The following ROBO2 variants were observed in gnomAD, a reference collection of about 807,000 sequenced individuals.
ROBO2 encodes roundabout guidance receptor 2, also known as roundabout homolog 2.
ROBO2 carries 53 observed loss-of-function variants against 160.8 expected under a neutral mutation model. The observed-to-expected ratio is 0.33, with a 90% CI of 0.26 to 0.41. The LOEUF (loss-of-function observed/expected upper bound fraction) is 0.41. Ranked by LOEUF, ROBO2 falls within the 10% of genes least tolerant of loss-of-function variation. ROBO2 has a pLI of 1.00. For synonymous variants in ROBO2, 664 were observed against 611.7 expected (o/e 1.09, Z -1.26); for missense variants, 1,577 against 1,722.4 (o/e 0.92, Z 1.49).
intron 2 of ROBO2, among the ~76,000 whole-genome samples, chr3:76,221,158 G>T (rs985592525): frequency 2.0e-5 from 3 of 152,226 alleles, no homozygotes; most frequent in African/African-American, 7.2e-5. Context: ...TGTGGTGAAA[G>T]CATTCCTCCA....
At chr3:76,868,066 G>A (rs1213724176) in intron 2 of ROBO2, among the ~76,000 whole-genome samples, 2 of 152,126 alleles carry the variant, frequency 1.3e-5, no homozygotes, top group East Asian at 3.9e-4. Flanking sequence ...CATTTTAGGA[G>A]TATCCTATGC....
intron 2 of ROBO2, among the ~76,000 whole-genome samples, chr3:76,566,205 G>A (rs571895119): frequency 8.9e-4 from 135 of 152,324 alleles, no homozygotes; most frequent in African/African-American, 3.2e-3. Flanking sequence ...AATGAGGTCT[G>A]ACGTGCTACA....
At chr3:76,669,261 T>G (rs2110150429) in intron 2 of ROBO2, among the ~76,000 whole-genome samples, 1 of 152,068 alleles carries the variant, frequency 6.6e-6, no homozygotes, top group Admixed American at 6.6e-5. Context: ...TCAGGGAAAA[T>G]AAAATGCTTC....
At chr3:76,205,878 A>T (rs1296026818) in intron 2 of ROBO2, among the ~76,000 whole-genome samples, 1 of 152,180 alleles carries the variant, frequency 6.6e-6, no homozygotes, top group Non-Finnish European at 1.5e-5. Flanking sequence ...ACACACTAGC[A>T]TCTGGCTATA....
At chr3:77,016,286 T>C (rs2062246454) in intron 2 of ROBO2, among the ~76,000 whole-genome samples, 1 of 152,192 alleles carries the variant, frequency 6.6e-6, no homozygotes, top group African/African-American at 2.4e-5. Context: ...TAATATGTTA[T>C]TTTGTACGAC....
intron 1 of ROBO2, among the ~76,000 whole-genome samples, chr3:75,932,744 G>A (rs1236288924): frequency 6.6e-6 from 1 of 152,038 alleles, no homozygotes; most frequent in Non-Finnish European, 1.5e-5. Context: ...GTTTTCATTT[G>A]TCTCATACAT....
intron 2 of ROBO2, among the ~76,000 whole-genome samples, chr3:77,362,993 A>G (rs1340578091): frequency 1.3e-5 from 2 of 152,164 alleles, no homozygotes; most frequent in African/African-American, 4.8e-5. Flanking sequence ...AGGAGCTACA[A>G]TTCAAGATGA....
rs143816448 is a variant in ROBO2, at chr3:77,469,087, C to T, written c.389-8327C>T. On this transcript the variant is annotated intron_variant, in intron 2 of 25. Coordinates refer to ENST00000461745, the Ensembl canonical transcript of ROBO2. ...TAATAAAGTAGTTTCTTGTGAATGA[C>T]AATCTTTATCAGTTGTTTAGTCATT... Among the ~76,000 whole-genome samples the T allele has an allele frequency of 6.2e-4, 95 of 152,260 alleles. 2 individuals carry two copies. In the East Asian group the frequency reaches 0.012, roughly 19 times the overall value.
intron 2 of ROBO2, among the ~76,000 whole-genome samples, chr3:76,511,507 T>C (rs2081087944): frequency 6.6e-6 from 1 of 152,226 alleles, no homozygotes; most frequent in African/African-American, 2.4e-5. Flanking sequence ...GCTTTATTAA[T>C]ACAACCATGT....
intron 1 of ROBO2, among the ~76,000 whole-genome samples, chr3:77,047,772 G>A (rs1185649457): frequency 6.6e-6 from 1 of 150,554 alleles, no homozygotes; most frequent in African/African-American, 2.4e-5. Context: ...GGCTGGGCGC[G>A]GTGGCTCACG....
intron 2 of ROBO2, among the ~76,000 whole-genome samples, chr3:76,681,580 G>A (rs947022323): frequency 6.6e-6 from 1 of 152,124 alleles, no homozygotes; most frequent in Non-Finnish European, 1.5e-5. Context: ...TTTAAATTGC[G>A]ACCTAAAGAT....
chr3:77,588,715 T>C, intron 16 of ROBO2, 36 bp from the exon 18 acceptor site: 2 of 1,594,512 alleles, frequency 1.3e-6, no homozygotes, highest in Non-Finnish European at 1.7e-6. Context: ...CTTATTTTCG[T>C]TTTAATATAT....
intron 2 of ROBO2, among the ~76,000 whole-genome samples, chr3:77,127,838 T>C (rs571937537): frequency 6.6e-6 from 1 of 151,972 alleles, no homozygotes; most frequent in South Asian, 2.1e-4. Flanking sequence ...AGTTGAGAGG[T>C]TGTGTGTTGA....
At chr3:76,618,560 C>T (rs1261541072) in intron 2 of ROBO2, among the ~76,000 whole-genome samples, 1 of 151,382 alleles carries the variant, frequency 6.6e-6, no homozygotes, top group Non-Finnish European at 1.5e-5. Context: ...ACTTTAAACA[C>T]TTTTGTCTGT....
At position 77,321,064 on chromosome 3, in the gene ROBO2, GA is replaced by G. The variant is rs1367102425; in HGVS notation, c.389-156349del. Among the ~76,000 whole-genome samples, 7 of 152,136 alleles carry G rather than the reference GA, an allele frequency of 4.6e-5. No homozygotes were observed. The East Asian group carries it at 5.8e-4, about 13-fold the overall frequency. ...GAAGATAGTTAATAAAGGGGTTTTA[GA>G]TTTTTTTCATAATTTATTGGGTCGG... On this transcript the variant is annotated intron_variant, in intron 2 of 25. Coordinates refer to ENST00000461745, the Ensembl canonical transcript of ROBO2.
intron 2 of ROBO2, among the ~76,000 whole-genome samples, chr3:77,349,973 C>T (rs1481924280): frequency 2.6e-5 from 4 of 151,932 alleles, no homozygotes; most frequent in Non-Finnish European, 5.9e-5. Flanking sequence ...AGTTGACCTT[C>T]TGATTGCAGT....
intron 2 of ROBO2, among the ~76,000 whole-genome samples, chr3:76,716,031 T>C (rs2093373332): frequency 6.6e-6 from 1 of 152,230 alleles, no homozygotes. Flanking sequence ...AAAATGATAT[T>C]CTTATAAAGG....
At chr3:76,434,969 A>G in intron 2 of ROBO2, 4 of 1,591,678 alleles carry the variant, frequency 2.5e-6, no homozygotes, top group South Asian at 2.2e-5. Context: ...CTGTACTTGA[A>G]CTGGAGGGTA....
At chr3:76,245,266 G>A (rs1705547652) in intron 2 of ROBO2, among the ~76,000 whole-genome samples, 1 of 152,318 alleles carries the variant, frequency 6.6e-6, no homozygotes, top group East Asian at 1.9e-4. Context: ...GTCGGCCAGA[G>A]CTTGAACCCT....
Sources: allele counts gnomAD v4.1 joint callset (sites outside exome capture counted in the v4.1 genomes callset), GRCh38; gene constraint gnomAD v4.1.1; transcripts MANE v1.5; gene names NCBI Gene and HGNC (gene_info 2026-07-23, HGNC 2026-07-21).